GUCY1A2: variants seen among roughly 807,000 people sequenced by gnomAD.
The protein encoded by GUCY1A2 is guanylate cyclase soluble subunit alpha-2.
In GUCY1A2, 27 loss-of-function variants were observed where a neutral mutation model predicts 63.5. That is an observed-to-expected ratio of 0.43 (90% CI 0.31 to 0.59). The LOEUF (loss-of-function observed/expected upper bound fraction) is 0.59. GUCY1A2 is among the 20% of genes least tolerant of loss of function. The pLI is 0.11. For synonymous variants in GUCY1A2, 364 were observed against 343.5 expected, an observed-to-expected ratio of 1.06 and a Z score of -0.66; for missense variants, 768 against 913.3, an observed-to-expected ratio of 0.84 and a Z score of 2.05.
chr11:106,940,159 A>G lies in GUCY1A2; in HGVS notation c.507T>C (p.Ile169=). The G allele has an allele frequency of 3.2e-6, 5 of 1,573,466 alleles. No individual in the cohort carries two copies. The South Asian group carries it at 5.6e-5, about 18-fold the overall frequency. ...AGAACTCTTCACCAAATCTTTTTTG[A>G]ATTTCCTCAAACTTCAAACCTAGAG... is the stretch of plus-strand genomic sequence containing the variant. The part of the protein sequence containing the change: ...ANILGLKFEE[I]QKRFGEEFFN... Residue 169 remains isoleucine (I), a synonymous_variant, in exon 4 of 8, where the codon ATT becomes ATC. Transcript: ENST00000526355.
chr11:106,722,643 G>C (rs1863335702), intron 6 of GUCY1A2, among the ~76,000 whole-genome samples: 1 of 151,958 alleles, frequency 6.6e-6, no homozygotes, highest in Non-Finnish European at 1.5e-5. Context: ...GAAATAAAAG[G>C]CTTGGTAGTA....
In GUCY1A2 at chr11:106,963,901, TTGATA is replaced by T. The variant is rs565126848; in HGVS notation, c.487+14713_487+14717del. ...TCAATCATTTTTGGAAATGTTTATT[TTGATA>T]TAAGTTTAAACTTAGAGAAAAGTTG... On this transcript the variant is annotated intron_variant, in intron 3 of 7. Transcript: ENST00000526355. Among the ~76,000 whole-genome samples the T allele has an allele frequency of 6.0e-4, 91 of 152,350 alleles. 1 individual carries two copies. The highest frequency in any genetic ancestry group is 2.0e-3 in the African/African-American group (85 of 41,578).
intron 3 of GUCY1A2, among the ~76,000 whole-genome samples, chr11:106,967,479 A>C (rs941668195): frequency 1.3e-5 from 2 of 152,150 alleles, no homozygotes; most frequent in African/African-American, 4.8e-5. Context: ...ACAAAACCCT[A>C]TTGCATGTCA....
intron 1 of GUCY1A2, among the ~76,000 whole-genome samples, chr11:106,993,817 T>C (rs1591357837): frequency 2.0e-5 from 3 of 152,148 alleles, no homozygotes; most frequent in East Asian, 3.9e-4. Flanking sequence ...CTTCTCTGGG[T>C]AATCATAACC....
At chr11:106,955,105 TG>T (rs1432194859) in intron 3 of GUCY1A2, among the ~76,000 whole-genome samples, 1 of 152,128 alleles carries the variant, frequency 6.6e-6, no homozygotes, top group Non-Finnish European at 1.5e-5. Context: ...CTCAAGTAGC[TG>T]GGATTACAGG....
intron 4 of GUCY1A2, among the ~76,000 whole-genome samples, chr11:106,862,159 G>C (rs552842559): frequency 6.6e-6 from 1 of 152,090 alleles, no homozygotes; most frequent in Non-Finnish European, 1.5e-5. Flanking sequence ...CTTCACCAGA[G>C]TCTGTGTTAA....
At chr11:106,724,419 C>G (rs1393504191) in intron 6 of GUCY1A2, among the ~76,000 whole-genome samples, 1 of 152,190 alleles carries the variant, frequency 6.6e-6, no homozygotes, top group Non-Finnish European at 1.5e-5. Flanking sequence ...GCTCCAATCC[C>G]TGAATCTGAT....
intron 4 of GUCY1A2, among the ~76,000 whole-genome samples, chr11:106,938,378 T>C (rs989816915): frequency 1.3e-5 from 2 of 152,208 alleles, no homozygotes; most frequent in Non-Finnish European, 2.9e-5. Context: ...TATTTCCTCA[T>C]TTATTTATTA....
intron 3 of GUCY1A2, among the ~76,000 whole-genome samples, chr11:106,969,607 G>C (rs1861169225): frequency 6.6e-6 from 1 of 152,078 alleles, no homozygotes. Flanking sequence ...AATGTGACAA[G>C]TCACTATAAA....
intron 4 of GUCY1A2, chr11:106,823,972 A>G: frequency 1.6e-6 from 1 of 616,956 alleles, no homozygotes; most frequent in African/African-American, 1.9e-5. Flanking sequence ...ATTAAAAATT[A>G]CTGCGCATAT....
At position 106,990,806 on chromosome 11, in the gene GUCY1A2, C is replaced by A. The variant is rs576667270; in HGVS notation, c.304-4675G>T. Among the ~76,000 whole-genome samples, 43 of 152,310 alleles carry A rather than the reference C, an allele frequency of 2.8e-4. No individual in the cohort carries two copies. In the South Asian group the frequency reaches 6.2e-3, roughly 22 times the overall value. ...AGATGCCTTTGAGGCTCCCTCTTACCTTTCACATTCTGAAAGTCTATATTC... is the reference window on the plus strand; with the variant it reads ...AGATGCCTTTGAGGCTCCCTCTTACATTTCACATTCTGAAAGTCTATATTC... On this transcript the variant is annotated intron_variant, in intron 1 of 7. Transcript: ENST00000526355.
rs556836152 is a variant in GUCY1A2 at position 106,683,220 on chromosome 11, G to A, written c.*4329C>T. 1.1e-4 allele frequency: 23 copies of A among 215,892 alleles called. No homozygotes were observed. Among genetic ancestry groups the A allele is most frequent in the African/African-American group, 4.9e-4 (22 of 44,468 alleles). The allele number at this position is 215,892 out of a possible 1,614,324, so 13.4% of individuals were successfully genotyped here. A position where few individuals can be genotyped will look rare whatever the true frequency, so the allele number is the denominator to read the frequency against. ...TTAAGCTATGATTATAGAAGCCTCT[G>A]AAATGACATAATTTTTGTAGCTGAA... is the stretch of plus-strand genomic sequence containing the variant. On this transcript the variant is annotated 3_prime_UTR_variant, in exon 8 of 8. Transcript: ENST00000526355.
At chr11:106,876,670 A>C (rs989335136) in intron 4 of GUCY1A2, among the ~76,000 whole-genome samples, 7 of 152,208 alleles carry the variant, frequency 4.6e-5, no homozygotes, top group African/African-American at 1.7e-4. Context: ...TCCTGTCCTG[A>C]GTTTTAAAGG....
At chr11:106,780,659 T>C (rs1230728214) in intron 5 of GUCY1A2, among the ~76,000 whole-genome samples, 2 of 152,224 alleles carry the variant, frequency 1.3e-5, no homozygotes, top group East Asian at 1.9e-4. Flanking sequence ...TACATGGCTA[T>C]GCTTAATGTA....
intron 4 of GUCY1A2, among the ~76,000 whole-genome samples, chr11:106,920,044 C>T (rs1471989454): frequency 6.6e-6 from 1 of 152,010 alleles, no homozygotes; most frequent in Non-Finnish European, 1.5e-5. Flanking sequence ...CTAGCTAATA[C>T]CTAACCTCAA....
chr11:106,855,438 C>G (rs61902978), intron 4 of GUCY1A2, among the ~76,000 whole-genome samples: 5,386 of 152,062 alleles, frequency 0.035, 123 homozygotes, highest in Middle Eastern at 0.068. Flanking sequence ...CTCTTAGATA[C>G]TCTATTCAAT....
chr11:106,802,900 G>C (rs117493186), intron 5 of GUCY1A2, among the ~76,000 whole-genome samples: 52 of 152,114 alleles, frequency 3.4e-4, no homozygotes, highest in Non-Finnish European at 7.2e-4. Context: ...ATGAATTTTG[G>C]GGGGTCATAA....
chr11:106,894,668 C>A (rs920312083), intron 4 of GUCY1A2, among the ~76,000 whole-genome samples: 16 of 151,948 alleles, frequency 1.1e-4, no homozygotes, highest in African/African-American at 3.9e-4. Flanking sequence ...CTTGAATAAC[C>A]TATGTCAAAA....
rs1314131111 is a variant in GUCY1A2, at chr11:106,678,469, G to T, written c.*9080C>A. On this transcript the variant is annotated 3_prime_UTR_variant, in exon 8 of 8. Transcript: ENST00000526355. Reference sequence around the variant, plus strand: ...AGATACATAAATATTGATCCAGATTGCCCAAACCTCAGAAGAAAGTCATAT... The same window carrying T: ...AGATACATAAATATTGATCCAGATTTCCCAAACCTCAGAAGAAAGTCATAT... 1 of 213,090 alleles carries T rather than the reference G, an allele frequency of 4.7e-6. No homozygotes were observed. The highest frequency in any genetic ancestry group is 9.5e-6 in the Non-Finnish European group (1 of 105,324). The allele number at this position is 213,090 out of a possible 1,614,324, so 13.2% of individuals were successfully genotyped here.
Sources: allele counts gnomAD v4.1 joint callset (sites outside exome capture counted in the v4.1 genomes callset), GRCh38; gene constraint gnomAD v4.1.1; transcripts MANE v1.5; gene names NCBI Gene and HGNC (gene_info 2026-07-23, HGNC 2026-07-21).